TRPM3: variants seen among roughly 807,000 people sequenced by gnomAD.
TRPM3 encodes long transient receptor potential channel 3.
Under a neutral mutation model 181.2 loss-of-function variants are expected in TRPM3, and 77 were observed. That is an observed-to-expected ratio of 0.42 (90% CI 0.35 to 0.51). TRPM3 has a LOEUF of 0.51. Ranked by LOEUF, TRPM3 falls within the 20% of genes least tolerant of loss-of-function variation. The pLI is 0.01. For missense variants in TRPM3, 1,759 were observed against 2,196.7 expected (o/e 0.80, Z 3.98); for synonymous variants, 745 against 796.4 (o/e 0.94, Z 1.09).
intron 1 of TRPM3, among the ~76,000 whole-genome samples, chr9:71,152,525 C>A (rs1426468196): frequency 6.6e-6 from 1 of 152,112 alleles, no homozygotes; most frequent in Non-Finnish European, 1.5e-5. Flanking sequence ...ATGAAAATAA[C>A]ACAAATAAGG....
intron 1 of TRPM3, among the ~76,000 whole-genome samples, chr9:71,359,285 G>C (rs1178543003): frequency 6.6e-6 from 1 of 152,226 alleles, no homozygotes; most frequent in Non-Finnish European, 1.5e-5. Flanking sequence ...ACAAACTGAG[G>C]TGGGTGTGTA....
At chr9:71,339,655 ATAGCG>A (rs2090817457) in intron 1 of TRPM3, among the ~76,000 whole-genome samples, 1 of 152,154 alleles carries the variant, frequency 6.6e-6, no homozygotes, top group Non-Finnish European at 1.5e-5. Flanking sequence ...CATGCCATAC[ATAGCG>A]TATGACTCTA....
At chr9:71,436,006 T>A (rs779395378) in intron 1 of TRPM3, among the ~76,000 whole-genome samples, 16 of 152,166 alleles carry the variant, frequency 1.1e-4, no homozygotes, top group Non-Finnish European at 1.8e-4. Flanking sequence ...TCAACTTGAA[T>A]TGTATCTCCC....
intron 1 of TRPM3, among the ~76,000 whole-genome samples, chr9:71,208,602 T>C (rs2079275223): frequency 6.6e-6 from 1 of 152,208 alleles, no homozygotes; most frequent in Non-Finnish European, 1.5e-5. Context: ...ACTTAGATCT[T>C]TGAAGTCAAT....
At chr9:70,743,775 T>C (rs541273339) in intron 8 of TRPM3, among the ~76,000 whole-genome samples, 6 of 152,164 alleles carry the variant, frequency 3.9e-5, no homozygotes, top group African/African-American at 1.2e-4. Context: ...GAGTTAGAAC[T>C]CAAACTACCA....
At chr9:71,012,930 A>G (rs2097757451) in intron 1 of TRPM3, among the ~76,000 whole-genome samples, 1 of 152,156 alleles carries the variant, frequency 6.6e-6, no homozygotes, top group Admixed American at 6.5e-5. Context: ...AAATGATAGT[A>G]AGATACTGGC....
At chr9:71,200,338 A>T (rs1227544066) in intron 1 of TRPM3, among the ~76,000 whole-genome samples, 1 of 151,514 alleles carries the variant, frequency 6.6e-6, no homozygotes, top group African/African-American at 2.4e-5. Flanking sequence ...GCTGAAAAAA[A>T]TGTATATTCT....
intron 1 of TRPM3, among the ~76,000 whole-genome samples, chr9:71,182,521 A>T (rs765308036): frequency 4.6e-5 from 7 of 152,126 alleles, no homozygotes; most frequent in Non-Finnish European, 7.4e-5. Context: ...TCTAAACTTC[A>T]TAAGTATCTA....
At chr9:70,661,413 A>G (rs569287307) in intron 9 of TRPM3, among the ~76,000 whole-genome samples, 1 of 152,168 alleles carries the variant, frequency 6.6e-6, no homozygotes, top group African/African-American at 2.4e-5. Context: ...ACTTCTATTC[A>G]ACTTAGTACT....
chr9:71,443,137 C>G (rs952806076), intron 1 of TRPM3, among the ~76,000 whole-genome samples: 30 of 152,218 alleles, frequency 2.0e-4, no homozygotes, highest in Non-Finnish European at 2.9e-4. Context: ...ATGACGCAAT[C>G]TCAGAAAGGA....
chr9:71,399,186 T>C (rs2093275142), intron 1 of TRPM3, among the ~76,000 whole-genome samples: 1 of 152,142 alleles, frequency 6.6e-6, no homozygotes, highest in African/African-American at 2.4e-5. Context: ...TATAATTATA[T>C]AATGAAATAC....
At chr9:71,067,339 G>T (rs1317495033) in intron 1 of TRPM3, among the ~76,000 whole-genome samples, 4 of 152,126 alleles carry the variant, frequency 2.6e-5, no homozygotes, top group African/African-American at 9.7e-5. Context: ...AACTGCTGTT[G>T]ATCTTTTAGT....
intron 1 of TRPM3, among the ~76,000 whole-genome samples, chr9:70,911,236 A>C (rs2096534458): frequency 6.6e-6 from 1 of 152,210 alleles, no homozygotes; most frequent in South Asian, 2.1e-4. Context: ...CACTTTGGAA[A>C]GGATTTTATT....
chr9:71,101,891 T>TTTACCA (rs2134064424), intron 1 of TRPM3, among the ~76,000 whole-genome samples: 2 of 152,274 alleles, frequency 1.3e-5, no homozygotes, highest in Admixed American at 1.3e-4. Context: ...AACAAACTGG[T>TTTACCA]AAAGGCCATG....
intron 1 of TRPM3, among the ~76,000 whole-genome samples, chr9:71,320,039 G>A (rs2089051332): frequency 1.3e-5 from 2 of 152,202 alleles, no homozygotes; most frequent in African/African-American, 4.8e-5. Flanking sequence ...TTTGGAAGAA[G>A]ATGGGAATAT....
At chr9:70,796,965 CA>C (rs549513629) in intron 6 of TRPM3, among the ~76,000 whole-genome samples, 1 of 151,594 alleles carries the variant, frequency 6.6e-6, no homozygotes, top group Non-Finnish European at 1.5e-5. Flanking sequence ...CTTGTCTCTA[CA>C]AAAAAATTTA....
chr9:71,031,877 A>T (rs1272574090), intron 1 of TRPM3, among the ~76,000 whole-genome samples: 1 of 143,330 alleles, frequency 7.0e-6, no homozygotes, highest in Non-Finnish European at 1.5e-5. Context: ...ATTGGGACCC[A>T]TCCAACATGT....
At chr9:71,290,367 G>T (rs1006156778) in intron 1 of TRPM3, among the ~76,000 whole-genome samples, 1 of 152,030 alleles carries the variant, frequency 6.6e-6, no homozygotes, top group African/African-American at 2.4e-5. Flanking sequence ...AAATGAAAAA[G>T]AATTATATTG....
chr9:70,620,340 C>G lies in TRPM3; in HGVS notation c.1865G>C (p.Arg622Thr), dbSNP rs1249232833. The change falls in exon 16 of 26, where the codon AGA becomes ACA. Residue 622 changes from arginine (R) to threonine (T), a missense_variant. Physicochemically the swap from Arg to Thr is moderately conservative, Grantham distance 71. This residue lies in a region of TRPM3 where 737 missense variants were observed against 957.4 expected (regional missense o/e 0.77). Transcript: ENST00000677713. ...TTCTTCACGTTTCTTGGTTGTCTTT[C>G]TTCCTCGCCTCAAGGGAATATCATC... Reference protein sequence around the residue: ...MEDDIPLRRGRKTTKKREEEV... With the variant: ...MEDDIPLRRGTKTTKKREEEV... 1 of 1,613,298 alleles carries G rather than the reference C, an allele frequency of 6.2e-7. No individual in the cohort carries two copies. The highest frequency in any genetic ancestry group is 1.7e-5 in the Admixed American group (1 of 60,016).
Sources: allele counts gnomAD v4.1 joint callset (sites outside exome capture counted in the v4.1 genomes callset), GRCh38; gene constraint gnomAD v4.1.1; regional missense constraint gnomAD v4.1.1; transcripts MANE v1.5; gene names NCBI Gene and HGNC (gene_info 2026-07-23, HGNC 2026-07-21).